Variants in IMPA2 observed in about 807,000 individuals in gnomAD.
IMPA2 encodes inositol monophosphatase 2, also known as IMP 2.
In IMPA2, 32 loss-of-function variants were observed where a neutral mutation model predicts 35.1. The ratio of observed to expected loss-of-function variants is 0.91; its 90% CI spans 0.69 to 1.23. The LOEUF is 1.23. Among genes scored for constraint, IMPA2 ranks in the 50% most tolerant of loss-of-function variants. The pLI is 0.00. For synonymous variants in IMPA2, 135 were observed against 160.6 expected (o/e 0.84, Z 1.20); for missense variants, 334 against 387.6 (o/e 0.86, Z 1.16).
intron 5 of IMPA2, among the ~76,000 whole-genome samples, chr18:12,023,609 G>T (rs1373437986): frequency 6.6e-6 from 1 of 152,222 alleles, no homozygotes; most frequent in Non-Finnish European, 1.5e-5. Context: ...GCCCTCAGGT[G>T]TGGGGAGACT....
chr18:12,009,635 C>T (rs538530526), intron 2 of IMPA2, among the ~76,000 whole-genome samples: 1 of 150,196 alleles, frequency 6.7e-6, no homozygotes, highest in South Asian at 2.1e-4. Flanking sequence ...CTGGAATTCC[C>T]TGGTGCTCTT....
chr18:11,981,544 G>A lies in IMPA2; in HGVS notation c.-126G>A. ...CAGCGCAGGTGTGGGACGGGCGGCG[G>A]ACTAGGCACAGAGCTGCGGGAGCAG... On this transcript the variant is annotated 5_prime_UTR_variant, in exon 1 of 8. Coordinates refer to ENST00000269159, the MANE Select transcript of IMPA2 (RefSeq NM_014214.3). The A allele has an allele frequency of 1.7e-6, 1 of 581,132 alleles. No homozygotes were observed. The highest frequency in any genetic ancestry group is 2.5e-6 in the Non-Finnish European group (1 of 395,916). The allele number at this position is 581,132 out of a possible 1,614,324, so 36.0% of individuals were successfully genotyped here.
intron 2 of IMPA2, among the ~76,000 whole-genome samples, chr18:12,009,018 C>T (rs915924632): frequency 2.9e-5 from 4 of 135,786 alleles, no homozygotes; most frequent in Non-Finnish European, 4.6e-5. Context: ...GGGCAGGGAG[C>T]GTCCCAGCCT....
intron 5 of IMPA2, among the ~76,000 whole-genome samples, chr18:12,015,298 C>T (rs1297247291): frequency 6.6e-6 from 1 of 152,228 alleles, no homozygotes; most frequent in East Asian, 1.9e-4. Flanking sequence ...CTGCCGCCTC[C>T]CCTCTTGACC....
At chr18:12,024,648 T>A (rs1223319005) in intron 5 of IMPA2, among the ~76,000 whole-genome samples, 1 of 152,180 alleles carries the variant, frequency 6.6e-6, no homozygotes, top group East Asian at 1.9e-4. Flanking sequence ...CTGGCCAAAG[T>A]ATCATGCAAG....
chr18:11,982,946 G>T (rs1906549118), intron 1 of IMPA2, among the ~76,000 whole-genome samples: 1 of 152,054 alleles, frequency 6.6e-6, no homozygotes, highest in Non-Finnish European at 1.5e-5. Context: ...TGTTGAAATC[G>T]GACTGTTATC....
At chr18:12,027,942 AT>A (rs45446291) in intron 5 of IMPA2, 100 bp from the exon 6 acceptor site, 253,228 of 742,162 alleles carry the variant, frequency 0.34, 48,725 homozygotes, top group East Asian at 0.74. Context: ...TCGAAAGATG[AT>A]CCTTACTCTG....
chr18:11,991,772 G>T lies in IMPA2; in HGVS notation c.97-7282G>T, dbSNP rs1468436572. ...TTTGGGCCCTCAGCTGTTGGACAAG[G>T]CCTGCCCACAGGAAGGAGAGGGATC... On this transcript the variant is annotated intron_variant, in intron 1 of 7. Transcript: ENST00000269159. The surrounding 1 kb of genome is among the most constrained non-coding windows in gnomAD (Gnocchi z 4.1). Among the ~76,000 whole-genome samples, 1 of 152,180 alleles carries T rather than the reference G, an allele frequency of 6.6e-6. No individual in the cohort carries two copies. The highest frequency in any genetic ancestry group is 1.5e-5 in the Non-Finnish European group (1 of 68,024).
intron 2 of IMPA2, among the ~76,000 whole-genome samples, chr18:12,007,084 C>T (rs1380869679): frequency 1.3e-5 from 2 of 151,986 alleles, no homozygotes; most frequent in Non-Finnish European, 2.9e-5. Flanking sequence ...GAGCTGAGAT[C>T]GCGCCATTGC....
Position 12,028,169 on chromosome 18 carries a change from G to A in IMPA2, c.599+18G>A. ...GCGCATGGGTAGGAGGTTCAGTTCG[G>A]GGAACACCCTGCAGCCCGAGGAGGA... is the stretch of plus-strand genomic sequence containing the variant. On this transcript the variant is annotated intron_variant, in intron 6 of 7. Coordinates refer to ENST00000269159, the MANE Select transcript of IMPA2 (RefSeq NM_014214.3). 1 of 1,497,330 alleles carries A rather than the reference G, an allele frequency of 6.7e-7. No homozygotes were observed. The highest frequency in any genetic ancestry group is 1.4e-5 in the African/African-American group (1 of 72,536). 92.8% of individuals were successfully genotyped at this position (1,497,330 alleles called of 1,614,324 possible).
At chr18:12,006,357 A>C (rs942463905) in intron 2 of IMPA2, among the ~76,000 whole-genome samples, 1 of 152,194 alleles carries the variant, frequency 6.6e-6, no homozygotes, top group Non-Finnish European at 1.5e-5. Context: ...GCATCACCTG[A>C]CCTAGAAGCA....
At chr18:12,016,650 C>T (rs1345174000) in intron 5 of IMPA2, among the ~76,000 whole-genome samples, 1 of 152,066 alleles carries the variant, frequency 6.6e-6, no homozygotes, top group Non-Finnish European at 1.5e-5. Flanking sequence ...AACTCCTGAC[C>T]TCAAGTGATC....
At chr18:11,982,867 T>A (rs1906547064) in intron 1 of IMPA2, among the ~76,000 whole-genome samples, 1 of 152,132 alleles carries the variant, frequency 6.6e-6, no homozygotes, top group African/African-American at 2.4e-5. Context: ...GATTGGCCTT[T>A]TATATTCAAA....
Position 12,026,109 on chromosome 18 carries a change from A to G in IMPA2, c.491-1934A>G, listed in dbSNP as rs1907875563. ...GAATGCAATGGTGTGATCTTGGCTC[A>G]CTGCAACCTCCGCCTCCCGGGTTCA... On this transcript the variant is annotated intron_variant, in intron 5 of 7. Transcript: ENST00000269159. 2.1e-5 allele frequency among the ~76,000 whole-genome samples: 3 copies of G among 144,794 alleles called. No individual in the cohort carries two copies. The Admixed American group carries it at 2.1e-4, about 10-fold the overall frequency. The allele number at this position is 144,794 out of a possible 152,430, so 95.0% of individuals were successfully genotyped here.
chr18:11,999,103 C>T lies in IMPA2; in HGVS notation c.146C>T (p.Ser49Leu). Residue 49 changes from serine (S) to leucine (L), a missense_variant, in exon 2 of 8, where the codon TCA (serine) becomes TTA (leucine). Coordinates refer to ENST00000269159, the MANE Select transcript of IMPA2 (RefSeq NM_014214.3). ...TEEKRVSTKTSAADLVTETDH... is the reference protein window; with the variant it reads ...TEEKRVSTKTLAADLVTETDH... ...GAAAAACGTGTCTCAACAAAAACAT[C>T]AGCTGCAGATCTTGTGACAGAAACA... is the stretch of plus-strand genomic sequence containing the variant. 1 of 1,613,634 alleles carries T rather than the reference C, an allele frequency of 6.2e-7. No individual in the cohort carries two copies. Among genetic ancestry groups the T allele is most frequent in the Non-Finnish European group, 8.5e-7 (1 of 1,179,600 alleles).
rs149434421 is a variant in IMPA2 at position 12,008,582 on chromosome 18, C to A, written c.231-1301C>A. On this transcript the variant is annotated intron_variant, in intron 2 of 7. Transcript: ENST00000269159. The stretch of plus-strand genomic sequence containing the variant: ...CAGCGGCCAGCTCCACAGGGACCAG[C>A]CTGCAGAAGGTGGGCTGCGAATACA... 6 of 456,626 alleles carry A rather than the reference C, an allele frequency of 1.3e-5. No individual in the cohort carries two copies. In the East Asian group the frequency reaches 4.2e-4, roughly 32 times the overall value. 28.3% of individuals were successfully genotyped at this position (456,626 alleles called of 1,614,324 possible). A position where few individuals can be genotyped will look rare whatever the true frequency, so the allele number is the denominator to read the frequency against.
At chr18:11,995,010 C>G (rs1906920604) in intron 1 of IMPA2, 1 of 152,082 alleles carries the variant, frequency 6.6e-6, no homozygotes, top group Admixed American at 6.5e-5. Context: ...GTTAATGATT[C>G]CATGTGACAG....
chr18:12,023,437 C>T (rs1568038443), intron 5 of IMPA2, among the ~76,000 whole-genome samples: 1 of 152,200 alleles, frequency 6.6e-6, no homozygotes, highest in Non-Finnish European at 1.5e-5. Context: ...TGAAAAATTG[C>T]TGTTTCTTGC....
intron 2 of IMPA2, among the ~76,000 whole-genome samples, chr18:12,005,071 G>A (rs1907213950): frequency 6.6e-6 from 1 of 152,216 alleles, no homozygotes; most frequent in Non-Finnish European, 1.5e-5. Flanking sequence ...CAAAGACCGA[G>A]CACGGTTCAC....
Sources: gnomAD v4.1 joint callset for allele counts (sites outside exome capture counted in the v4.1 genomes callset) on GRCh38, gnomAD v4.1.1 for gene constraint, Gnocchi (gnomAD v3.1) non-coding constraint, MANE v1.5 for transcripts, NCBI Gene and HGNC (gene_info 2026-07-23, HGNC 2026-07-21) for gene names.